The following FLRT1 variants were observed in gnomAD, a reference collection of about 807,000 sequenced individuals.
FLRT1 encodes leucine-rich repeat transmembrane protein FLRT1.
A neutral mutation model predicts 30.9 loss-of-function variants in FLRT1; 14 were observed. The observed-to-expected ratio is 0.45, with a 90% confidence interval of 0.30 to 0.71. The LOEUF (loss-of-function observed/expected upper bound fraction) is 0.71. Ranked by LOEUF, FLRT1 falls within the 30% of genes least tolerant of loss-of-function variation. The pLI is 0.08. For synonymous variants in FLRT1, 368 were observed against 430.4 expected (o/e 0.85, Z 1.80); for missense variants, 737 against 949.2 (o/e 0.78, Z 2.94).
chr11:64,111,660 G>T (rs987445901), intron 2 of FLRT1, among the ~76,000 whole-genome samples: 1 of 152,200 alleles, frequency 6.6e-6, no homozygotes, highest in Admixed American at 6.5e-5. Flanking sequence ...GTGAAGGGGG[G>T]TGGGTGAGGT....
chr11:64,047,897 CAAAAA>C, intron 1 of FLRT1, among the ~76,000 whole-genome samples: 1 of 89,158 alleles, frequency 1.1e-5, no homozygotes. Context: ...AACTCCGTCT[CAAAAA>C]AAAAAAAAAA....
chr11:64,043,766 A>C (rs1454584370), intron 1 of FLRT1, among the ~76,000 whole-genome samples: 3 of 152,066 alleles, frequency 2.0e-5, no homozygotes, highest in Non-Finnish European at 4.4e-5. Context: ...ACTGAGGCTC[A>C]GGCAGGTAAA....
At chr11:64,043,468 G>T (rs1943527239) in intron 1 of FLRT1, among the ~76,000 whole-genome samples, 2 of 152,196 alleles carry the variant, frequency 1.3e-5, no homozygotes, top group African/African-American at 2.4e-5. Flanking sequence ...AAAAGGGCAA[G>T]TTGAGGTGTG....
chr11:64,116,225 A>T lies in FLRT1; in HGVS notation c.-43A>T. On this transcript the variant is annotated 5_prime_UTR_variant, in exon 3 of 3. Coordinates refer to ENST00000682287, the MANE Select transcript of FLRT1 (RefSeq NM_013280.5). ...TGTCCTGTGCTCCTTGCAGGTATTCAGGCTCCAGGCCAGGTGGGGCCGGAC... is the reference window on the plus strand; with the variant it reads ...TGTCCTGTGCTCCTTGCAGGTATTCTGGCTCCAGGCCAGGTGGGGCCGGAC... The T allele has an allele frequency of 1.3e-6, 2 of 1,562,162 alleles. No homozygotes were observed. Among genetic ancestry groups the T allele is most frequent in the Non-Finnish European group, 1.7e-6 (2 of 1,159,610 alleles).
intron 1 of FLRT1, among the ~76,000 whole-genome samples, chr11:64,097,704 G>A (rs933411172): frequency 2.0e-5 from 3 of 152,262 alleles, no homozygotes; most frequent in African/African-American, 7.2e-5. Context: ...CCTGCTACTC[G>A]GGTGCCATGC....
At chr11:64,107,001 A>G (rs1182611880) in intron 2 of FLRT1, among the ~76,000 whole-genome samples, 1 of 152,142 alleles carries the variant, frequency 6.6e-6, no homozygotes, top group Non-Finnish European at 1.5e-5. Flanking sequence ...CTCCTGCCTC[A>G]GCCTCCCAAG....
At chr11:64,083,653 T>G (rs898612812) in intron 1 of FLRT1, among the ~76,000 whole-genome samples, 5 of 152,224 alleles carry the variant, frequency 3.3e-5, no homozygotes, top group African/African-American at 1.2e-4. Context: ...CGCAGTGAGA[T>G]GCCAACGCCG....
chr11:64,053,378 C>T (rs1231629943), intron 1 of FLRT1, among the ~76,000 whole-genome samples: 2 of 152,208 alleles, frequency 1.3e-5, no homozygotes, highest in Non-Finnish European at 2.9e-5. Context: ...CTGGGGCTGT[C>T]ACAGCCCATG....
chr11:64,071,240 C>G (rs529358912), intron 1 of FLRT1, among the ~76,000 whole-genome samples: 43 of 152,060 alleles, frequency 2.8e-4, no homozygotes, highest in African/African-American at 1.0e-3. Flanking sequence ...TGTCAGGTAC[C>G]TCTCTCTCTC....
intron 1 of FLRT1, among the ~76,000 whole-genome samples, chr11:64,065,270 G>A (rs1473551783): frequency 6.6e-6 from 1 of 152,140 alleles, no homozygotes; most frequent in East Asian, 1.9e-4. Context: ...GCGGTGGGTG[G>A]GCAGGATCGG....
chr11:64,069,186 C>G (rs1018967250), intron 1 of FLRT1, among the ~76,000 whole-genome samples: 8 of 152,220 alleles, frequency 5.3e-5, no homozygotes, highest in African/African-American at 1.9e-4. Flanking sequence ...GGGAGCAGAG[C>G]AGGAGGGCCA....
chr11:64,084,177 A>G (rs765549622), intron 1 of FLRT1, among the ~76,000 whole-genome samples: 4 of 152,106 alleles, frequency 2.6e-5, no homozygotes, highest in Non-Finnish European at 5.9e-5. Flanking sequence ...GCAGTCCTGG[A>G]GGATGCTGCC....
intron 1 of FLRT1, among the ~76,000 whole-genome samples, chr11:64,049,663 G>C (rs1376591600): frequency 1.3e-5 from 2 of 152,206 alleles, no homozygotes; most frequent in Admixed American, 6.5e-5. Context: ...GTGGACGCTG[G>C]GGGTGCAGAC....
intron 1 of FLRT1, among the ~76,000 whole-genome samples, chr11:64,054,818 A>ACCCCTT (rs1162580858): frequency 6.6e-6 from 1 of 151,102 alleles, no homozygotes; most frequent in Non-Finnish European, 1.5e-5. Flanking sequence ...TCAAGTGGCC[A>ACCCCTT]CCCCTTCCTT....
chr11:64,039,650 T>C (rs1943448435), intron 1 of FLRT1, among the ~76,000 whole-genome samples: 1 of 152,224 alleles, frequency 6.6e-6, no homozygotes, highest in Non-Finnish European at 1.5e-5. Flanking sequence ...TGGCAGCAGC[T>C]GGAGACACCA....
chr11:64,068,691 G>A (rs996064004), intron 1 of FLRT1, among the ~76,000 whole-genome samples: 4 of 152,226 alleles, frequency 2.6e-5, no homozygotes, highest in Admixed American at 6.5e-5. Context: ...CTGATCTCAC[G>A]TGTCTGTCTC....
rs989076755 is a variant in FLRT1 at position 64,090,094 on chromosome 11, A to G, written c.-1037-13100A>G. ...CATCCTGAGCCCAGAACCTTCTAGA[A>G]TGGGGCTGGGGGAGGGGAAGATATG... is the stretch of plus-strand genomic sequence containing the variant. On this transcript the variant is annotated intron_variant, in intron 1 of 2. Coordinates refer to ENST00000682287, the MANE Select transcript of FLRT1 (RefSeq NM_013280.5). This position sits in a 1 kb window ranked among gnomAD's most constrained non-coding sequence, Gnocchi z 4.7. Among the ~76,000 whole-genome samples, 1 of 152,138 alleles carries G rather than the reference A, an allele frequency of 6.6e-6. No homozygotes were observed. The highest frequency in any genetic ancestry group is 2.4e-5 in the African/African-American group (1 of 41,422).
chr11:64,069,277 G>T (rs2096734), intron 1 of FLRT1, among the ~76,000 whole-genome samples: 26 of 152,334 alleles, frequency 1.7e-4, no homozygotes, highest in African/African-American at 5.8e-4. Context: ...GCTCTGAACC[G>T]CAGGGGAAGG....
rs1390003679 is a variant in FLRT1 at position 64,116,600 on chromosome 11, C to G, written c.333C>G (p.Ile111Met). 1 of 1,614,102 alleles carries G rather than the reference C, an allele frequency of 6.2e-7. No individual in the cohort carries two copies. Among genetic ancestry groups the G allele is most frequent in the Non-Finnish European group, 8.5e-7 (1 of 1,180,048 alleles). The change falls in exon 3 of 3, where the codon ATC becomes ATG. Residue 111 changes from isoleucine to methionine, a missense_variant. By Grantham distance (10) the Ile-to-Met change is conservative. Transcript: ENST00000682287. Reference protein sequence around the residue: ...DLKTKVNVQVIYLYENDLDEF... With the variant: ...DLKTKVNVQVMYLYENDLDEF... ...AGACCAAGGTCAACGTGCAGGTCAT[C>G]TACCTATACGAGAATGACCTGGATG...
Sources: allele counts gnomAD v4.1 joint callset (sites outside exome capture counted in the v4.1 genomes callset), GRCh38; gene constraint gnomAD v4.1.1; non-coding constraint Gnocchi (gnomAD v3.1); transcripts MANE v1.5; gene names NCBI Gene and HGNC (gene_info 2026-07-23, HGNC 2026-07-21).